KCNIP1: variants seen among roughly 807,000 people sequenced by gnomAD.
KCNIP1 encodes potassium voltage-gated channel interacting protein 1, also known as A-type potassium channel modulatory protein KCNIP1.
Under a neutral mutation model 33.0 loss-of-function variants are expected in KCNIP1, and 18 were observed. That is an observed-to-expected ratio of 0.55 (90% CI 0.38 to 0.81). The LOEUF is 0.81. Ranked by LOEUF, KCNIP1 falls within the 30% of genes least tolerant of loss-of-function variation. The pLI, the probability that KCNIP1 is intolerant of heterozygous loss-of-function variation, is 0.00. For missense variants in KCNIP1, 238 were observed against 271.6 expected, an observed-to-expected ratio of 0.88 and a Z score of 0.87; for synonymous variants, 93 against 98.3, an observed-to-expected ratio of 0.95 and a Z score of 0.32.
intron 1 of KCNIP1, among the ~76,000 whole-genome samples, chr5:170,392,947 C>T (rs920073369): frequency 6.6e-6 from 1 of 152,168 alleles, no homozygotes; most frequent in African/African-American, 2.4e-5. Flanking sequence ...TACTATGTAC[C>T]AGGGAATGAC....
chr5:170,426,742 T>A lies in KCNIP1; in HGVS notation c.88+72778T>A, dbSNP rs1274154147. On this transcript the variant is annotated intron_variant, in intron 1 of 7. Coordinates refer to the KCNIP1 transcript ENST00000377360. ...GTTCACACTCCACCCAGATTTTCAC[T>A]GCAGCAGCCAAGAAAGAACTTCTGG... Among the ~76,000 whole-genome samples the A allele has an allele frequency of 2.0e-5, 3 of 152,246 alleles. No homozygotes were observed. In the East Asian group the frequency reaches 5.8e-4, roughly 29 times the overall value.
chr5:170,409,974 T>A (rs1166986827), intron 1 of KCNIP1, among the ~76,000 whole-genome samples: 1 of 141,246 alleles, frequency 7.1e-6, no homozygotes, highest in Non-Finnish European at 1.5e-5. Flanking sequence ...TGTTAGCATT[T>A]GACTGGCATT....
At chr5:170,705,173 A>G (rs1284725094) in intron 1 of KCNIP1, among the ~76,000 whole-genome samples, 1 of 152,214 alleles carries the variant, frequency 6.6e-6, no homozygotes, top group Admixed American at 6.5e-5. Context: ...CCTTTCCCCA[A>G]AAGAAGGAAA....
chr5:170,581,891 G>A (rs572230941), intron 1 of KCNIP1, among the ~76,000 whole-genome samples: 17 of 152,300 alleles, frequency 1.1e-4, no homozygotes, highest in African/African-American at 4.1e-4. Flanking sequence ...TCCATTCATG[G>A]CAGAAAGTGA....
chr5:170,624,732 TGGG>T (rs549130383), intron 1 of KCNIP1, among the ~76,000 whole-genome samples: 1 of 13,218 alleles, frequency 7.6e-5, no homozygotes, highest in African/African-American at 3.3e-4. Context: ...ACCGGGGAGG[TGGG>T]GGGGGAGAGG....
chr5:170,598,816 G>A (rs1758560729), intron 1 of KCNIP1, among the ~76,000 whole-genome samples: 1 of 152,096 alleles, frequency 6.6e-6, no homozygotes, highest in Non-Finnish European at 1.5e-5. Flanking sequence ...CATCATAGAT[G>A]CCAAAGCTGA....
At chr5:170,714,874 G>T (rs1027546795) in intron 1 of KCNIP1, among the ~76,000 whole-genome samples, 14 of 151,858 alleles carry the variant, frequency 9.2e-5, no homozygotes, top group African/African-American at 3.4e-4. Context: ...GTAAGCTAAG[G>T]TTAATTTCTT....
At chr5:170,683,393 T>C (rs905911174) in intron 1 of KCNIP1, among the ~76,000 whole-genome samples, 1 of 152,198 alleles carries the variant, frequency 6.6e-6, no homozygotes, top group East Asian at 1.9e-4. Context: ...GAGGTATTTG[T>C]CTCTAAAATT....
chr5:170,536,434 C>A (rs1755987300), intron 1 of KCNIP1, among the ~76,000 whole-genome samples: 1 of 152,236 alleles, frequency 6.6e-6, no homozygotes, highest in Non-Finnish European at 1.5e-5. Context: ...CCACCTTCCC[C>A]CAACAGCTGA....
intron 1 of KCNIP1, among the ~76,000 whole-genome samples, chr5:170,617,161 C>G (rs1759410404): frequency 6.8e-6 from 1 of 147,404 alleles, no homozygotes; most frequent in African/African-American, 2.5e-5. Flanking sequence ...CAATGAAGAC[C>G]CCAGGTCTGG....
At chr5:170,622,381 G>A (rs1759637355) in intron 1 of KCNIP1, among the ~76,000 whole-genome samples, 1 of 152,132 alleles carries the variant, frequency 6.6e-6, no homozygotes, top group South Asian at 2.1e-4. Flanking sequence ...CAGCACTTTG[G>A]GAGGCTGAGG....
At chr5:170,597,784 A>AATATATATATATATATATATATAT (rs10525595) in intron 1 of KCNIP1, among the ~76,000 whole-genome samples, 4 of 134,480 alleles carry the variant, frequency 3.0e-5, no homozygotes, top group African/African-American at 9.2e-5. Flanking sequence ...GAGAGAGATA[A>AATATATATATATATATATATATAT]ATATATATAT....
intron 1 of KCNIP1, among the ~76,000 whole-genome samples, chr5:170,409,936 A>C (rs1317095094): frequency 2.0e-5 from 3 of 152,222 alleles, no homozygotes; most frequent in Non-Finnish European, 4.4e-5. Flanking sequence ...ATACTCAAAA[A>C]CAAGTAGTAA....
At chr5:170,585,149 G>GA (rs1328693207) in intron 1 of KCNIP1, among the ~76,000 whole-genome samples, 3 of 144,732 alleles carry the variant, frequency 2.1e-5, no homozygotes, top group African/African-American at 5.3e-5. Flanking sequence ...AAACCAAAAA[G>GA]AAAAAAAAGA....
chr5:170,451,604 AC>A (rs1161638175), intron 1 of KCNIP1, among the ~76,000 whole-genome samples: 1 of 151,988 alleles, frequency 6.6e-6, no homozygotes, highest in African/African-American at 2.4e-5. Context: ...ACCTAATTAA[AC>A]AATTTCTGCA....
rs184201166 is a variant in KCNIP1, at chr5:170,546,495, G to T, written c.61+41862G>T. ...TGCACAACTGCCAAAAGTGCTGCTT[G>T]GTTTCTGCTTTCTCCAGTAGACAAC... On this transcript the variant is annotated intron_variant, in intron 1 of 7. Coordinates refer to ENST00000328939, the MANE Select transcript of KCNIP1 (RefSeq NM_014592.4). 2.7e-3 allele frequency among the ~76,000 whole-genome samples: 416 copies of T among 152,268 alleles called. 1 individual carries two copies. The highest frequency in any genetic ancestry group is 0.023 in the South Asian group (113 of 4,830).
At position 170,530,642 on chromosome 5, in the gene KCNIP1, G is replaced by T. The variant is rs1440493472; in HGVS notation, c.61+26009G>T. Among the ~76,000 whole-genome samples, 7 of 152,354 alleles carry T rather than the reference G, an allele frequency of 4.6e-5. No homozygotes were observed. In the Middle Eastern group the frequency reaches 0.014, roughly 296 times the overall value. ...CTTTTTCTAAGTTTGGAGAATTCAT[G>T]ACATTATGAATCCTTTTTCCCCAAG... On this transcript the variant is annotated intron_variant, in intron 1 of 7. Transcript: ENST00000328939.
At chr5:170,367,509 G>A (rs1344177023) in intron 1 of KCNIP1, among the ~76,000 whole-genome samples, 1 of 152,056 alleles carries the variant, frequency 6.6e-6, no homozygotes, top group East Asian at 1.9e-4. Context: ...TAGAGTAGGG[G>A]CCTAACAAAT....
intron 1 of KCNIP1, among the ~76,000 whole-genome samples, chr5:170,566,163 C>T (rs551837126): frequency 3.9e-5 from 6 of 151,942 alleles, no homozygotes; most frequent in African/African-American, 1.5e-4. Flanking sequence ...CGGGTTCAAG[C>T]GATTCTCCCG....
Sources: gnomAD v4.1 joint callset for allele counts (sites outside exome capture counted in the v4.1 genomes callset) on GRCh38, gnomAD v4.1.1 for gene constraint, MANE v1.5 for transcripts, NCBI Gene and HGNC (gene_info 2026-07-23, HGNC 2026-07-21) for gene names.